DARS1: variants seen among roughly 807,000 people sequenced by gnomAD.
DARS1 encodes the protein aspartate--tRNA ligase, cytoplasmic.
A neutral mutation model predicts 68.8 loss-of-function variants in DARS1; 51 were observed. The observed-to-expected ratio is 0.74, with a 90% CI of 0.59 to 0.94. The LOEUF is 0.94. Ranked by LOEUF, DARS1 falls within the 40% of genes least tolerant of loss-of-function variation. The pLI is 0.00. For missense variants in DARS1, 607 were observed against 597.3 expected (o/e 1.02, Z -0.17); for synonymous variants, 203 against 190.4 (o/e 1.07, Z -0.55).
At chr2:135,933,875 G>A (rs1575391108) in intron 6 of DARS1, 35 bp downstream of exon 6, 1 of 1,597,144 alleles carries the variant, frequency 6.3e-7, no homozygotes, top group African/African-American at 1.3e-5. Flanking sequence ...TAAATATACA[G>A]CGGAAGCATA....
chr2:135,937,742 A>G (rs140172309), intron 5 of DARS1, among the ~76,000 whole-genome samples: 10 of 152,190 alleles, frequency 6.6e-5, no homozygotes, highest in Admixed American at 6.5e-4. Flanking sequence ...TTTCTCCTTC[A>G]CTTATGAAGC....
chr2:135,914,530 ATCAGTGTT>A lies in DARS1; in HGVS notation c.1107-27_1107-20del, dbSNP rs1459569902. The A allele has an allele frequency of 7.4e-7, 1 of 1,352,274 alleles. No homozygotes were observed. The highest frequency in any genetic ancestry group is 1.7e-5 in the Admixed American group (1 of 59,678). The allele number at this position is 1,352,274 out of a possible 1,614,324, so 83.8% of individuals were successfully genotyped here. ...TGGTGTGCTGAAAAAGAAACGTGAA[ATCAGTGTT>A]TGAAGATCAAATGGCAACTTAAAAA... On this transcript the variant is annotated intron_variant, in intron 11 of 15. Transcript: ENST00000264161.
At chr2:135,965,080 T>C (rs760002363) in intron 3 of DARS1, among the ~76,000 whole-genome samples, 28 of 151,546 alleles carry the variant, frequency 1.8e-4, no homozygotes, top group Non-Finnish European at 3.5e-4. Flanking sequence ...TAAGAAAAAA[T>C]TGATAATAGA....
intron 3 of DARS1, among the ~76,000 whole-genome samples, chr2:135,968,007 C>A (rs1046249728): frequency 6.6e-6 from 1 of 152,250 alleles, no homozygotes; most frequent in Admixed American, 6.5e-5. Context: ...CATCTGTAAT[C>A]CCAGCACTTT....
chr2:135,968,167 G>A (rs957666208), intron 3 of DARS1, among the ~76,000 whole-genome samples: 2 of 152,170 alleles, frequency 1.3e-5, no homozygotes, highest in African/African-American at 4.8e-5. Flanking sequence ...GGGAGGCTAA[G>A]GCAGGAGAAT....
Position 135,906,340 on chromosome 2 carries a change from TCTAA to T in DARS1, c.*972_*975del, listed in dbSNP as rs1211225096. 6.6e-6 allele frequency among the ~76,000 whole-genome samples: 1 copy of T among 152,210 alleles called. No individual in the cohort carries two copies. The highest frequency in any genetic ancestry group is 2.1e-4 in the South Asian group (1 of 4,830). On this transcript the variant is annotated 3_prime_UTR_variant, in exon 16 of 16. Coordinates refer to ENST00000264161, the MANE Select transcript of DARS1 (RefSeq NM_001349.4). ...TGTAATAATCTAGAGGGAAAGTGTT[TCTAA>T]CTAATTCTTACACAAAAATTTCTTT...
rs1205429421 is a variant in DARS1, at chr2:135,907,201, C to T, written c.*115G>A. Reference sequence around the variant, plus strand: ...ATATTTTAAGTACCTAAAGTACAGCCTGTGCACTAGCAGGTTACTGAAAAG... The same window carrying T: ...ATATTTTAAGTACCTAAAGTACAGCTTGTGCACTAGCAGGTTACTGAAAAG... On this transcript the variant is annotated 3_prime_UTR_variant, in exon 16 of 16. Coordinates refer to ENST00000264161, the MANE Select transcript of DARS1 (RefSeq NM_001349.4). 16 of 608,850 alleles carry T rather than the reference C, an allele frequency of 2.6e-5. No homozygotes were observed. The highest frequency in any genetic ancestry group is 2.2e-4 in the African/African-American group (11 of 51,020). 37.7% of individuals were successfully genotyped at this position (608,850 alleles called of 1,614,324 possible). A position where few individuals can be genotyped will look rare whatever the true frequency, so the allele number is the denominator to read the frequency against.
At chr2:135,977,484 C>G (rs150355279) in intron 3 of DARS1, among the ~76,000 whole-genome samples, 11 of 152,294 alleles carry the variant, frequency 7.2e-5, no homozygotes, top group African/African-American at 2.2e-4. Context: ...AGCATGCATT[C>G]TATCTTTTAA....
chr2:135,957,383 A>G (rs1157295821), intron 4 of DARS1, among the ~76,000 whole-genome samples: 2 of 152,110 alleles, frequency 1.3e-5, no homozygotes, highest in Non-Finnish European at 2.9e-5. Context: ...GCCCGCCACC[A>G]TGCCTGGCTA....
At position 135,906,258 on chromosome 2, in the gene DARS1, T is replaced by C. The variant is rs1003661619; in HGVS notation, c.*1058A>G. 2.0e-5 allele frequency among the ~76,000 whole-genome samples: 3 copies of C among 152,204 alleles called. No individual in the cohort carries two copies. The highest frequency in any genetic ancestry group is 7.2e-5 in the African/African-American group (3 of 41,448). ...TTTCTTCCTGTACAAAAATATGTTA[T>C]GTTTTGTTCCTCCCCAATATTTGTG... On this transcript the variant is annotated 3_prime_UTR_variant, in exon 16 of 16. Coordinates refer to ENST00000264161, the MANE Select transcript of DARS1 (RefSeq NM_001349.4).
At chr2:135,921,520 GT>G (rs1374596100) in intron 9 of DARS1, among the ~76,000 whole-genome samples, 1 of 151,928 alleles carries the variant, frequency 6.6e-6, no homozygotes, top group Non-Finnish European at 1.5e-5. Context: ...TCTTTTTACA[GT>G]TACTATTTAT....
At chr2:135,975,007 T>TA (rs1682463874) in intron 3 of DARS1, among the ~76,000 whole-genome samples, 1 of 151,678 alleles carries the variant, frequency 6.6e-6, no homozygotes, top group Non-Finnish European at 1.5e-5. Context: ...AAAATATATG[T>TA]AAAAAAATAT....
At chr2:135,963,031 G>A (rs1025079567) in intron 3 of DARS1, among the ~76,000 whole-genome samples, 1 of 152,186 alleles carries the variant, frequency 6.6e-6, no homozygotes. Context: ...GCTGTCCAGT[G>A]ATAATTTCAG....
At chr2:135,968,368 G>A (rs1682286538) in intron 3 of DARS1, among the ~76,000 whole-genome samples, 1 of 152,196 alleles carries the variant, frequency 6.6e-6, no homozygotes. Context: ...CAGAGTATCT[G>A]AAATTGGGTA....
At chr2:135,966,436 T>A (rs1350670466) in intron 3 of DARS1, among the ~76,000 whole-genome samples, 1 of 152,220 alleles carries the variant, frequency 6.6e-6, no homozygotes, top group Non-Finnish European at 1.5e-5. Context: ...ATATTATTAA[T>A]CTTTCTTCTT....
rs149595632 is a variant in DARS1 at position 135,985,250 on chromosome 2, G to A, written c.66+153C>T. On this transcript the variant is annotated intron_variant, in intron 1 of 15. Coordinates refer to ENST00000264161, the MANE Select transcript of DARS1 (RefSeq NM_001349.4). Reference sequence around the variant, plus strand: ...CGGAGAGGGTCTGGCCCCACTGCTGGGGCAAGGGCTCTAGGCGCCCGGACC... The same window carrying A: ...CGGAGAGGGTCTGGCCCCACTGCTGAGGCAAGGGCTCTAGGCGCCCGGACC... 1,129 of 1,288,048 alleles carry A rather than the reference G, an allele frequency of 8.8e-4. 11 individuals are homozygous for A. The African/African-American group carries it at 0.015, about 17-fold the overall frequency. 79.8% of individuals were successfully genotyped at this position (1,288,048 alleles called of 1,614,324 possible).
At chr2:135,942,108 G>C (rs564732191) in intron 5 of DARS1, among the ~76,000 whole-genome samples, 1 of 152,192 alleles carries the variant, frequency 6.6e-6, no homozygotes, top group African/African-American at 2.4e-5. Flanking sequence ...ATTCCTCAGG[G>C]ATCTAGAACT....
intron 1 of DARS1, chr2:135,985,196 C>A (rs558166784): frequency 5.2e-6 from 4 of 776,220 alleles, no homozygotes; most frequent in Non-Finnish European, 7.7e-6. Flanking sequence ...AGGCCAAACT[C>A]CCAGGTGACC....
At chr2:135,944,469 A>G (rs1047993546) in intron 4 of DARS1, among the ~76,000 whole-genome samples, 5 of 152,234 alleles carry the variant, frequency 3.3e-5, no homozygotes, top group Admixed American at 2.0e-4. Flanking sequence ...TTTCAATGAA[A>G]AAGGATCAAA....
Sources: allele counts gnomAD v4.1 joint callset (sites outside exome capture counted in the v4.1 genomes callset), GRCh38; gene constraint gnomAD v4.1.1; transcripts MANE v1.5; gene names NCBI Gene and HGNC (gene_info 2026-07-23, HGNC 2026-07-21).